Variants in PPP1R13B observed in about 807,000 individuals in gnomAD.
PPP1R13B encodes protein phosphatase 1 regulatory subunit 13B.
A neutral mutation model predicts 119.8 loss-of-function variants in PPP1R13B; 44 were observed. The observed-to-expected ratio is 0.37, with a 90% CI of 0.29 to 0.47. PPP1R13B has a LOEUF of 0.47. Ranked by LOEUF, PPP1R13B falls within the 20% of genes least tolerant of loss-of-function variation. PPP1R13B has a pLI of 0.99. For missense variants in PPP1R13B, 1,227 were observed against 1,413.5 expected (o/e 0.87, Z 2.12); for synonymous variants, 542 against 561.5 (o/e 0.97, Z 0.49).
Position 103,734,504 on chromosome 14 carries a change from G to T in PPP1R13B, c.*650C>A, listed in dbSNP as rs1441733241. 2.2e-6 allele frequency: 1 copy of T among 456,290 alleles called. No homozygotes were observed. The highest frequency in any genetic ancestry group is 3.3e-4 in the Middle Eastern group (1 of 3,056). The allele number at this position is 456,290 out of a possible 1,614,324, so 28.3% of individuals were successfully genotyped here. ...GTCACTTGGTCTTAGGGGTCCTGGT[G>T]CCCGTGGCGCGGCAGTCCAGCCACA... On this transcript the variant is annotated 3_prime_UTR_variant, in exon 17 of 17. Coordinates refer to ENST00000202556, the MANE Select transcript of PPP1R13B (RefSeq NM_015316.3).
Position 103,742,511 on chromosome 14 carries a change from C to A in PPP1R13B, c.1320+143G>T, listed in dbSNP as rs968675249. The A allele has an allele frequency of 2.1e-5, 28 of 1,305,618 alleles. No individual in the cohort carries two copies. The highest frequency in any genetic ancestry group is 2.8e-5 in the Non-Finnish European group (27 of 961,528). The allele number at this position is 1,305,618 out of a possible 1,614,324, so 80.9% of individuals were successfully genotyped here. ...TGCTCAGGCTCTTAGGGCCCAGTAA[C>A]CCTCTAGGACTTTGGGTGTTGTCTG... On this transcript the variant is annotated intron_variant, in intron 10 of 16. Transcript: ENST00000202556. The surrounding 1 kb of genome is among the most constrained non-coding windows in gnomAD (Gnocchi z 4.9).
intron 1 of PPP1R13B, among the ~76,000 whole-genome samples, chr14:103,841,055 G>C (rs1170057381): frequency 6.6e-6 from 1 of 152,170 alleles, no homozygotes; most frequent in Non-Finnish European, 1.5e-5. Context: ...GGGAAGCTGA[G>C]GCGGCATGTC....
rs35928276 is a variant in PPP1R13B at position 103,820,652 on chromosome 14, ATT to A, written c.10-23136_10-23135del. Among the ~76,000 whole-genome samples the A allele has an allele frequency of 4.8e-3, 493 of 102,554 alleles. 1 individual carries two copies. The highest frequency in any genetic ancestry group is 0.019 in the African/African-American group (461 of 23,996). The allele number at this position is 102,554 out of a possible 152,430, so 67.3% of individuals were successfully genotyped here. A position where few individuals can be genotyped will look rare whatever the true frequency, so the allele number is the denominator to read the frequency against. On this transcript the variant is annotated intron_variant, in intron 1 of 16. Coordinates refer to ENST00000202556, the MANE Select transcript of PPP1R13B (RefSeq NM_015316.3). ...TGGCACACATACCACCATGCCCAGG[ATT>A]TTTTTTTTTTTTTTTTTTTTTGTAG...
intron 4 of PPP1R13B, among the ~76,000 whole-genome samples, chr14:103,776,168 A>AAG (rs1457222580): frequency 1.6e-5 from 1 of 61,608 alleles, no homozygotes; most frequent in African/African-American, 1.2e-4. Context: ...GAGGAAGGGA[A>AAG]GGAGGGAGGG....
intron 4 of PPP1R13B, among the ~76,000 whole-genome samples, chr14:103,759,690 G>GA (rs932697084): frequency 1.5e-4 from 22 of 144,002 alleles, no homozygotes; most frequent in South Asian, 2.2e-4. Flanking sequence ...ACAACTTGAA[G>GA]AAAAAAAAAA....
intron 2 of PPP1R13B, among the ~76,000 whole-genome samples, chr14:103,789,617 G>A (rs1207277654): frequency 1.3e-5 from 2 of 151,986 alleles, no homozygotes; most frequent in Non-Finnish European, 2.9e-5. Flanking sequence ...GGGTTCAAGC[G>A]ATTCTCCTGC....
intron 2 of PPP1R13B, among the ~76,000 whole-genome samples, chr14:103,795,125 A>T (rs45471795): frequency 0.038 from 5,758 of 151,990 alleles, 171 homozygotes; most frequent in Middle Eastern, 0.065. Context: ...TTTAGTAGAG[A>T]TGGGGTTTTG....
At chr14:103,808,869 T>A (rs570294302) in intron 1 of PPP1R13B, among the ~76,000 whole-genome samples, 4 of 152,168 alleles carry the variant, frequency 2.6e-5, no homozygotes, top group African/African-American at 9.6e-5. Flanking sequence ...CCATTTTTTT[T>A]AATGTTTCTT....
chr14:103,748,496 T>C (rs1246097644), intron 8 of PPP1R13B, among the ~76,000 whole-genome samples: 1 of 152,180 alleles, frequency 6.6e-6, no homozygotes, highest in Non-Finnish European at 1.5e-5. Flanking sequence ...GAGGACACTA[T>C]TCTGTCACCA....
At chr14:103,783,712 C>T (rs1005337454) in intron 3 of PPP1R13B, among the ~76,000 whole-genome samples, 2 of 151,994 alleles carry the variant, frequency 1.3e-5, no homozygotes, top group Non-Finnish European at 2.9e-5. Flanking sequence ...ACCAACACAA[C>T]CAGCTATTTA....
chr14:103,792,700 G>A (rs2085652884), intron 2 of PPP1R13B, among the ~76,000 whole-genome samples: 1 of 152,026 alleles, frequency 6.6e-6, no homozygotes, highest in Non-Finnish European at 1.5e-5. Context: ...TTGAGCCCAG[G>A]AGTTTAAGGC....
chr14:103,787,106 G>A (rs1031458158), intron 2 of PPP1R13B, among the ~76,000 whole-genome samples: 5 of 151,762 alleles, frequency 3.3e-5, no homozygotes, highest in Admixed American at 2.0e-4. Flanking sequence ...CACCTGCCTC[G>A]GCTGCCCAAA....
chr14:103,788,970 G>T (rs1187359920), intron 2 of PPP1R13B, among the ~76,000 whole-genome samples: 1 of 152,112 alleles, frequency 6.6e-6, no homozygotes, highest in Non-Finnish European at 1.5e-5. Context: ...GAGTATTGCA[G>T]GGAGGAGAGG....
chr14:103,816,041 G>A (rs1489668107), intron 1 of PPP1R13B, among the ~76,000 whole-genome samples: 4 of 147,810 alleles, frequency 2.7e-5, no homozygotes, highest in Admixed American at 1.3e-4. Flanking sequence ...CTGAGATCGC[G>A]CCACTGCACT....
chr14:103,823,493 T>C (rs1160203666), intron 1 of PPP1R13B, among the ~76,000 whole-genome samples: 1 of 152,196 alleles, frequency 6.6e-6, no homozygotes, highest in Non-Finnish European at 1.5e-5. Context: ...TGGACCTAGC[T>C]TTGGTCTACA....
At position 103,793,897 on chromosome 14, in the gene PPP1R13B, T is replaced by A. The variant is rs531960427; in HGVS notation, c.157+3474A>T. On this transcript the variant is annotated intron_variant, in intron 2 of 16. Transcript: ENST00000202556. ...TGTTGTAGTCCTGACCTCAAGTACC[T>A]CGAAATTTAACTGTATTTGGAGACA... Among the ~76,000 whole-genome samples, 60 of 152,236 alleles carry A rather than the reference T, an allele frequency of 3.9e-4. No individual in the cohort carries two copies. The South Asian group carries it at 4.2e-3, about 11-fold the overall frequency.
At chr14:103,844,269 A>G (rs887690467) in intron 1 of PPP1R13B, among the ~76,000 whole-genome samples, 2 of 151,666 alleles carry the variant, frequency 1.3e-5, no homozygotes, top group Admixed American at 1.3e-4. Context: ...CCCTGTCTCG[A>G]AAAATAAAAA....
In PPP1R13B at chr14:103,734,068, A is replaced by G. The variant is rs1401715202; in HGVS notation, c.*1086T>C. ...TAGTCAAAAAATACTTTTGGTATAT[A>G]AAAAGCCTGTACGTACAATTCACAC... On this transcript the variant is annotated 3_prime_UTR_variant, in exon 17 of 17. Coordinates refer to ENST00000202556, the MANE Select transcript of PPP1R13B (RefSeq NM_015316.3). The G allele has an allele frequency of 6.1e-6, 1 of 164,606 alleles. No individual in the cohort carries two copies. Among genetic ancestry groups the G allele is most frequent in the Non-Finnish European group, 1.3e-5 (1 of 74,174 alleles). 10.2% of individuals were successfully genotyped at this position (164,606 alleles called of 1,614,324 possible).
At chr14:103,810,401 TAATA>T (rs964678759) in intron 1 of PPP1R13B, among the ~76,000 whole-genome samples, 2 of 151,672 alleles carry the variant, frequency 1.3e-5, no homozygotes, top group African/African-American at 4.8e-5. Context: ...CTCTCAAAAA[TAATA>T]AAAAATTAAA....
Sources: gnomAD v4.1 joint callset for allele counts (sites outside exome capture counted in the v4.1 genomes callset) on GRCh38, gnomAD v4.1.1 for gene constraint, Gnocchi (gnomAD v3.1) non-coding constraint, MANE v1.5 for transcripts, NCBI Gene and HGNC (gene_info 2026-07-23, HGNC 2026-07-21) for gene names.